Variants in LAMB4 observed in about 807,000 individuals in gnomAD.
The protein encoded by LAMB4 is laminin subunit beta 4, also known as laminin subunit beta-4.
Under a neutral mutation model 199.2 loss-of-function variants are expected in LAMB4, and 196 were observed. That is an observed-to-expected ratio of 0.98 (90% CI 0.88 to 1.11). The LOEUF (loss-of-function observed/expected upper bound fraction) is 1.11, where lower values mean the gene tolerates loss of function less well. Ranked by LOEUF, LAMB4 falls within the 50% of genes least tolerant of loss-of-function variation. The probability of loss-of-function intolerance (pLI) is 0.00; values close to 1 mark genes in which losing one functional copy is unlikely to be tolerated. For synonymous variants in LAMB4, 744 were observed against 770.6 expected, an observed-to-expected ratio of 0.97 and a Z score of 0.57; for missense variants, 2,080 against 2,171.2, an observed-to-expected ratio of 0.96 and a Z score of 0.83.
intron 10 of LAMB4, among the ~76,000 whole-genome samples, chr7:108,099,078 T>A (rs1015575192): frequency 1.3e-5 from 2 of 152,156 alleles, no homozygotes; most frequent in Admixed American, 1.3e-4. Flanking sequence ...AAAAAGTAAG[T>A]CTCTCCTCTA....
At position 108,076,996 on chromosome 7, in the gene LAMB4, G is replaced by A; in HGVS notation, c.2072C>T (p.Ser691Phe). 1 of 1,613,974 alleles carries A rather than the reference G, an allele frequency of 6.2e-7. No homozygotes were observed. Among genetic ancestry groups the A allele is most frequent in the Non-Finnish European group, 8.5e-7 (1 of 1,179,870 alleles). Residue 691 changes from serine to phenylalanine, a missense_variant, in exon 17 of 34, where the codon TCT (serine) becomes TTT (phenylalanine). Coordinates refer to ENST00000388781, the MANE Select transcript of LAMB4 (RefSeq NM_007356.3). ...GTGGGACTCTCCTTGCAAAGGCTGA[G>A]AAAAATAGACATCTATGGAATATTG... ...DVQYSIDVYF[S>F]QPLQGESHAH... is the part of the protein sequence containing the mutation.
intron 11 of LAMB4, among the ~76,000 whole-genome samples, chr7:108,096,726 G>A (rs2037613398): frequency 6.8e-6 from 1 of 146,906 alleles, no homozygotes; most frequent in African/African-American, 2.5e-5. Context: ...GGGATCAGGA[G>A]TTGAAGACCA....
At chr7:108,021,588 G>A (rs552802175), downstream of LAMB4, among the ~76,000 whole-genome samples, 146 of 152,078 alleles carry the variant, frequency 9.6e-4, 1 homozygote, top group Middle Eastern at 3.4e-3. Context: ...ACATGTCTGT[G>A]ATCTCAGCTA....
At chr7:108,052,881 A>C (rs2035870277) in intron 25 of LAMB4, among the ~76,000 whole-genome samples, 1 of 152,038 alleles carries the variant, frequency 6.6e-6, no homozygotes, top group African/African-American at 2.4e-5. Context: ...CTTCGAGGGG[A>C]TAATGAACAC....
chr7:108,062,884 C>A lies in LAMB4; in HGVS notation c.3172G>T (p.Gly1058Cys). The A allele has an allele frequency of 6.2e-7, 1 of 1,608,664 alleles. No homozygotes were observed. Among genetic ancestry groups the A allele is most frequent in the Non-Finnish European group, 8.5e-7 (1 of 1,177,954 alleles). The change falls in exon 23 of 34, where the codon GGC (glycine) becomes TGC (cysteine). Residue 1058 changes from glycine to cysteine, a missense_variant. Physicochemically the swap from Gly to Cys is radical, Grantham distance 159 (BLOSUM62 -3). Transcript: ENST00000388781. ...TCAGCACAACGGTCACAGGCCAGGC[C>A]TGTGACATTCGGCAGACAAGGACAT... ...GACPCLPNVT[G>C]LACDRCADGY...
intron 25 of LAMB4, among the ~76,000 whole-genome samples, chr7:108,055,263 T>A (rs1584643897): frequency 6.6e-6 from 1 of 151,724 alleles, no homozygotes; most frequent in African/African-American, 2.4e-5. Context: ...CTTGGGTCAC[T>A]GTAACCTTCG....
chr7:108,070,554 C>T (rs776694690), intron 17 of LAMB4, among the ~76,000 whole-genome samples: 2 of 152,204 alleles, frequency 1.3e-5, no homozygotes, highest in Admixed American at 6.5e-5. Flanking sequence ...GGATGAAGAC[C>T]TTTGTGATGA....
intron 26 of LAMB4, among the ~76,000 whole-genome samples, chr7:108,050,407 G>A (rs1211321487): frequency 1.3e-5 from 2 of 152,222 alleles, no homozygotes; most frequent in African/African-American, 2.4e-5. Context: ...TTGATAGTAA[G>A]AGATGAAGCC....
Position 108,029,054 on chromosome 7 carries a change from C to A in LAMB4, c.5135G>T (p.Arg1712Ile). ...KLAGDTEAKI[R>I]RITDLERKIQ... ...AAAAGAACAGATACCTGTTATTCTT[C>A]TTATCTTGGCCTCTGTATCTCCAGC... Residue 1712 changes from arginine (R) to isoleucine (I), a missense_variant, in exon 33 of 34, where the codon AGA (arginine) becomes ATA (isoleucine). Transcript: ENST00000388781. 1 of 1,613,090 alleles carries A rather than the reference C, an allele frequency of 6.2e-7. No individual in the cohort carries two copies. The highest frequency in any genetic ancestry group is 8.5e-7 in the Non-Finnish European group (1 of 1,179,724).
intron 8 of LAMB4, 140 bp downstream of exon 8, chr7:108,105,677 A>C: frequency 2.9e-6 from 2 of 701,352 alleles, no homozygotes; most frequent in Non-Finnish European, 4.9e-6. Context: ...CTATCAGGAT[A>C]GGTTGAATGG....
At chr7:108,076,781 T>C (rs1235151532) in intron 17 of LAMB4, among the ~76,000 whole-genome samples, 163 bp downstream of exon 17, 1 of 152,228 alleles carries the variant, frequency 6.6e-6, no homozygotes, top group Non-Finnish European at 1.5e-5. Flanking sequence ...AAACCATTAC[T>C]GGGACATACT....
chr7:108,063,094 C>A, intron 22 of LAMB4, 100 bp from the exon 23 acceptor site: 2 of 659,936 alleles, frequency 3.0e-6, no homozygotes, highest in Non-Finnish European at 2.5e-6. Context: ...ATCATTTCTC[C>A]AAGGGGCTCA....
At chr7:108,066,145 C>T (rs546563953) in intron 20 of LAMB4, among the ~76,000 whole-genome samples, 34 of 152,108 alleles carry the variant, frequency 2.2e-4, no homozygotes, top group Non-Finnish European at 4.0e-4. Flanking sequence ...ATTTGAGGAA[C>T]ATAGAAAGTA....
intron 14 of LAMB4, 88 bp from the exon 15 acceptor site, chr7:108,079,874 CT>C: frequency 1.1e-6 from 1 of 891,056 alleles, no homozygotes; most frequent in Non-Finnish European, 1.7e-6. Flanking sequence ...GCACCACCCC[CT>C]GTATTTCCTG....
At chr7:108,088,913 G>A (rs1363357459) in intron 14 of LAMB4, among the ~76,000 whole-genome samples, 1 of 152,196 alleles carries the variant, frequency 6.6e-6, no homozygotes, top group Non-Finnish European at 1.5e-5. Flanking sequence ...AGAGTTCCCA[G>A]CTAAGGAATC....
At chr7:108,110,052 CAG>C (rs2038164247) in intron 4 of LAMB4, among the ~76,000 whole-genome samples, 1 of 152,124 alleles carries the variant, frequency 6.6e-6, no homozygotes, top group African/African-American at 2.4e-5. Context: ...TTTTTAAAGA[CAG>C]AGTCTCGCTC....
At chr7:108,097,745 A>T (rs916710275) in intron 11 of LAMB4, among the ~76,000 whole-genome samples, 1 of 152,082 alleles carries the variant, frequency 6.6e-6, no homozygotes, top group Non-Finnish European at 1.5e-5. Context: ...TAAACAAACC[A>T]CCACTTGAAA....
rs771503700 is a variant in LAMB4, at chr7:108,055,988, T to C, written c.3399A>G (p.Ala1133=). 6.2e-7 allele frequency: 1 copy of C among 1,611,852 alleles called. No individual in the cohort carries two copies. Among genetic ancestry groups the C allele is most frequent in the Admixed American group, 1.7e-5 (1 of 59,742 alleles). The change falls in exon 25 of 34, where the codon GCA becomes GCG. Residue 1133 remains alanine (A), a synonymous_variant. Transcript: ENST00000388781. ...GRCIPCDCNR[A]GTQKPICDPD... ...GATCACAGATGGGCTTCTGGGTACCTGCCCTGTTACAATCACATGCTAAAA... is the reference window on the plus strand; with the variant it reads ...GATCACAGATGGGCTTCTGGGTACCCGCCCTGTTACAATCACATGCTAAAA...
chr7:108,025,398 T>TTTCCTTTCTTTC (rs1563024635), intron 33 of LAMB4, among the ~76,000 whole-genome samples: 4 of 132,902 alleles, frequency 3.0e-5, no homozygotes, highest in African/African-American at 1.6e-4. Context: ...CTTTTCTTTC[T>TTTCCTTTCTTTC]TTCTTTCTTT....
Sources: allele counts gnomAD v4.1 joint callset (sites outside exome capture counted in the v4.1 genomes callset), GRCh38; gene constraint gnomAD v4.1.1; transcripts MANE v1.5; gene names NCBI Gene and HGNC (gene_info 2026-07-23, HGNC 2026-07-21).